Variants in UNC13C observed in about 807,000 individuals in gnomAD.
UNC13C encodes unc-13 homolog C, also known as protein unc-13 homolog C.
A neutral mutation model predicts 245.4 loss-of-function variants in UNC13C; 174 were observed. The ratio of observed to expected loss-of-function variants is 0.71; its 90% CI spans 0.63 to 0.80. The LOEUF is 0.80. Ranked by LOEUF, UNC13C falls within the 30% of genes least tolerant of loss-of-function variation. UNC13C has a pLI of 0.00. For missense variants in UNC13C, 2,829 were observed against 2,602.9 expected (o/e 1.09, Z -1.89); for synonymous variants, 992 against 895.1 (o/e 1.11, Z -1.93).
chr15:54,346,253 T>C (rs2038858037), intron 17 of UNC13C, among the ~76,000 whole-genome samples: 1 of 152,176 alleles, frequency 6.6e-6, no homozygotes, highest in African/African-American at 2.4e-5. Flanking sequence ...AAAAAGGCAG[T>C]GCCTTAGTTA....
At chr15:54,043,851 C>T (rs184046323) in intron 2 of UNC13C, among the ~76,000 whole-genome samples, 105 of 152,282 alleles carry the variant, frequency 6.9e-4, no homozygotes, top group African/African-American at 2.5e-3. Context: ...GACCATTTCC[C>T]TTTGGGCCTT....
chr15:54,202,199 G>A (rs1040313908), intron 4 of UNC13C, among the ~76,000 whole-genome samples: 2 of 152,040 alleles, frequency 1.3e-5, no homozygotes, highest in African/African-American at 4.8e-5. Context: ...CACATCTCAT[G>A]CTCATAGATG....
intron 30 of UNC13C, among the ~76,000 whole-genome samples, chr15:54,574,601 C>A (rs1292198986): frequency 1.3e-5 from 2 of 152,250 alleles, no homozygotes; most frequent in African/African-American, 2.4e-5. Flanking sequence ...AGTTTTATTG[C>A]AGCTTGAGTG....
chr15:54,412,531 A>C (rs1410750569), intron 18 of UNC13C, among the ~76,000 whole-genome samples: 1 of 152,238 alleles, frequency 6.6e-6, no homozygotes, highest in African/African-American at 2.4e-5. Flanking sequence ...GGGTGGGAAC[A>C]CGGAGCAAAA....
rs752059809 is a variant in UNC13C, at chr15:54,494,683, A to G, written c.5009A>G (p.Glu1670Gly). Residue 1670 changes from glutamate (E) to glycine (G), a missense_variant, in exon 20 of 33, where the codon GAA becomes GGA. Coordinates refer to ENST00000260323, the MANE Select transcript of UNC13C (RefSeq NM_001080534.3). ...TTCAAAGTTAAATGGTTTTATAATG[A>G]ATATGTGCGTGAACTTCCTGCCTTC... ...LHFKVKWFYN[E>G]YVRELPAFKD... The G allele has an allele frequency of 7.4e-5, 119 of 1,611,358 alleles. 2 individuals carry two copies. The South Asian group carries it at 1.2e-3, about 17-fold the overall frequency.
chr15:54,483,506 CTTTTT>C (rs917936856), intron 19 of UNC13C, among the ~76,000 whole-genome samples: 4 of 151,540 alleles, frequency 2.6e-5, no homozygotes, highest in African/African-American at 9.7e-5. Context: ...CTTTTCTTTT[CTTTTT>C]TTTGAGATGG....
chr15:53,930,128 A>G, the UNC13C span, among the ~76,000 whole-genome samples: 1 of 152,190 alleles, frequency 6.6e-6, no homozygotes, highest in Admixed American at 6.5e-5. Context: ...GGGGCCTTGA[A>G]GCTGACTGTC....
chr15:54,156,539 C>T (rs2032753724), intron 4 of UNC13C, among the ~76,000 whole-genome samples: 1 of 152,072 alleles, frequency 6.6e-6, no homozygotes, highest in Non-Finnish European at 1.5e-5. Flanking sequence ...GAAGGTTCCC[C>T]ACGTTTAACA....
rs1018025469 is a variant in UNC13C, at chr15:54,627,270, C to G, written c.*157C>G. 1.4e-6 allele frequency: 1 copy of G among 699,252 alleles called. No homozygotes were observed. The highest frequency in any genetic ancestry group is 3.3e-5 in the South Asian group (1 of 29,946). The allele number at this position is 699,252 out of a possible 1,614,324, so 43.3% of individuals were successfully genotyped here. On this transcript the variant is annotated 3_prime_UTR_variant, in exon 33 of 33. Transcript: ENST00000260323. ...TAAAAAACCTGCTGAACTTTTATAC[C>G]AATTCTGGTCTTTGGGAAATCAGTG...
At position 54,076,237 on chromosome 15, in the gene UNC13C, G is replaced by T. The variant is rs537311899; in HGVS notation, c.2983+60351G>T. 3.0e-4 allele frequency among the ~76,000 whole-genome samples: 45 copies of T among 147,870 alleles called. No individual in the cohort carries two copies. In the South Asian group the frequency reaches 4.2e-3, roughly 14 times the overall value. On this transcript the variant is annotated intron_variant, in intron 2 of 32. Coordinates refer to ENST00000260323, the MANE Select transcript of UNC13C (RefSeq NM_001080534.3). ...CTCGTCATCTAGCATTAGGTATATC[G>T]CCCAATGCTATCCCTCCCCCCTCCC...
chr15:54,560,496 A>T (rs1488504634), intron 29 of UNC13C, among the ~76,000 whole-genome samples: 1 of 151,844 alleles, frequency 6.6e-6, no homozygotes, highest in East Asian at 1.9e-4. Context: ...TTTTCTGAAA[A>T]GTCATGAAGA....
chr15:54,279,443 G>A (rs2036920460), intron 10 of UNC13C, among the ~76,000 whole-genome samples: 1 of 152,166 alleles, frequency 6.6e-6, no homozygotes, highest in Admixed American at 6.5e-5. Flanking sequence ...TGGGATGAGA[G>A]GGATGTTAGT....
intron 28 of UNC13C, among the ~76,000 whole-genome samples, chr15:54,554,337 G>C (rs1427451366): frequency 6.6e-6 from 1 of 152,004 alleles, no homozygotes; most frequent in Non-Finnish European, 1.5e-5. Context: ...TGCGTGGTTT[G>C]TGCATTATGC....
chr15:54,479,396 G>C (rs1596455541), intron 19 of UNC13C, among the ~76,000 whole-genome samples: 1 of 151,828 alleles, frequency 6.6e-6, no homozygotes, highest in African/African-American at 2.4e-5. Context: ...AGTTATTCCT[G>C]CATGCTTTTG....
chr15:53,969,726 C>A, the UNC13C span, among the ~76,000 whole-genome samples: 1 of 151,500 alleles, frequency 6.6e-6, no homozygotes, highest in South Asian at 2.1e-4. Flanking sequence ...AAACAAAATC[C>A]CATACACTTA....
At chr15:53,860,520 G>T in the UNC13C span, among the ~76,000 whole-genome samples, 1,617 of 152,028 alleles carry the variant, frequency 0.011, 21 homozygotes, top group Non-Finnish European at 0.016. Context: ...TTCCATTCTT[G>T]GCCATCATCA....
At chr15:54,325,001 T>A (rs2038258523) in intron 14 of UNC13C, among the ~76,000 whole-genome samples, 1 of 152,010 alleles carries the variant, frequency 6.6e-6, no homozygotes, top group Non-Finnish European at 1.5e-5. Context: ...TCATTAGTGT[T>A]AGCGTATTTC....
At chr15:54,596,150 A>G (rs757593643) in intron 30 of UNC13C, among the ~76,000 whole-genome samples, 19 of 152,224 alleles carry the variant, frequency 1.2e-4, no homozygotes, top group Admixed American at 2.6e-4. Flanking sequence ...CTGGAGGTTC[A>G]AACCAGAAAT....
chr15:54,402,509 A>G (rs1291969647), intron 18 of UNC13C, among the ~76,000 whole-genome samples: 1 of 152,136 alleles, frequency 6.6e-6, no homozygotes, highest in Non-Finnish European at 1.5e-5. Context: ...AAGGTTTGTC[A>G]TGCTTGCTGA....
Sources: allele counts gnomAD v4.1 joint callset (sites outside exome capture counted in the v4.1 genomes callset), GRCh38; gene constraint gnomAD v4.1.1; transcripts MANE v1.5; gene names NCBI Gene and HGNC (gene_info 2026-07-23, HGNC 2026-07-21).